LRRC4C: variants seen among roughly 807,000 people sequenced by gnomAD.
LRRC4C encodes the protein leucine rich repeat containing 4C.
Under a neutral mutation model 33.6 loss-of-function variants are expected in LRRC4C, and 5 were observed. That is an observed-to-expected ratio of 0.15 (90% CI 0.08 to 0.31). The LOEUF (loss-of-function observed/expected upper bound fraction) is 0.31, where lower values mean the gene tolerates loss of function less well. LRRC4C is among the 10% of genes least tolerant of loss of function. The pLI, the probability that LRRC4C is intolerant of heterozygous loss-of-function variation, is 1.00. For missense variants in LRRC4C, 560 were observed against 796.7 expected (o/e 0.70, Z 3.58); for synonymous variants, 329 against 302.0 (o/e 1.09, Z -0.93).
At chr11:41,356,612 A>T (rs960741127) in intron 1 of LRRC4C, among the ~76,000 whole-genome samples, 11 of 152,048 alleles carry the variant, frequency 7.2e-5, no homozygotes, top group African/African-American at 2.7e-4. Context: ...TTAATCCTCC[A>T]TCCTTCAACT....
intron 1 of LRRC4C, among the ~76,000 whole-genome samples, chr11:41,107,058 AT>A (rs3979485): frequency 0.11 from 15,272 of 140,886 alleles, 793 homozygotes; most frequent in Non-Finnish European, 0.12. Flanking sequence ...TTAGGTTTTG[AT>A]TTTTTTTTTT....
chr11:40,419,809 C>CTA (rs1464519473), intron 3 of LRRC4C, among the ~76,000 whole-genome samples: 1 of 152,164 alleles, frequency 6.6e-6, no homozygotes, highest in Non-Finnish European at 1.5e-5. Flanking sequence ...CAGATGGGCA[C>CTA]TATGGTCCTA....
chr11:40,136,393 A>G (rs11035709), intron 6 of LRRC4C, among the ~76,000 whole-genome samples: 22,088 of 150,300 alleles, frequency 0.15, 1,755 homozygotes, highest in East Asian at 0.27. Flanking sequence ...CAGCCTCCCG[A>G]GTAGCTGGGA....
At chr11:41,439,769 T>C (rs1955553667) in intron 1 of LRRC4C, among the ~76,000 whole-genome samples, 1 of 152,068 alleles carries the variant, frequency 6.6e-6, no homozygotes, top group Admixed American at 6.6e-5. Flanking sequence ...AAAGTCCCAG[T>C]TTAGTTAGTA....
intron 1 of LRRC4C, among the ~76,000 whole-genome samples, chr11:41,272,523 G>T (rs527985321): frequency 6.0e-4 from 92 of 152,146 alleles, no homozygotes; most frequent in Non-Finnish European, 1.0e-3. Context: ...TATTTAAGAT[G>T]AATTGAATGA....
At chr11:40,757,985 G>A (rs1425587883) in intron 2 of LRRC4C, among the ~76,000 whole-genome samples, 1 of 152,044 alleles carries the variant, frequency 6.6e-6, no homozygotes, top group Non-Finnish European at 1.5e-5. Context: ...AGAGTAGGAT[G>A]CATTATGTGC....
At chr11:40,679,081 C>A (rs138320586) in intron 2 of LRRC4C, among the ~76,000 whole-genome samples, 7,992 of 152,162 alleles carry the variant, frequency 0.053, 733 homozygotes, top group African/African-American at 0.18. Flanking sequence ...AGATGAGGAA[C>A]TTGTTGGGAA....
At chr11:41,250,084 G>C (rs952010738) in intron 1 of LRRC4C, among the ~76,000 whole-genome samples, 1 of 152,044 alleles carries the variant, frequency 6.6e-6, no homozygotes, top group Non-Finnish European at 1.5e-5. Flanking sequence ...TGGGAGAATT[G>C]CTTTAACCCA....
intron 3 of LRRC4C, among the ~76,000 whole-genome samples, chr11:40,434,503 G>T (rs1369580558): frequency 6.6e-6 from 1 of 152,204 alleles, no homozygotes; most frequent in African/African-American, 2.4e-5. Flanking sequence ...TCAGCAAGTA[G>T]AAAGGCCTGG....
At chr11:40,700,748 C>G (rs974080093) in intron 2 of LRRC4C, among the ~76,000 whole-genome samples, 9 of 152,248 alleles carry the variant, frequency 5.9e-5, no homozygotes, top group African/African-American at 2.2e-4. Context: ...AAACAAATAT[C>G]TCTGTATTGG....
At chr11:40,336,915 T>C (rs1224986517) in intron 3 of LRRC4C, among the ~76,000 whole-genome samples, 1 of 137,482 alleles carries the variant, frequency 7.3e-6, no homozygotes, top group Non-Finnish European at 1.5e-5. Context: ...AGGCGGAGCT[T>C]GCAGTGAGCC....
intron 3 of LRRC4C, among the ~76,000 whole-genome samples, chr11:40,641,265 C>A (rs77037753): frequency 4.9e-4 from 74 of 152,200 alleles, no homozygotes; most frequent in African/African-American, 1.8e-3. Context: ...GGGAACCTAT[C>A]AAAGTGAATT....
intron 5 of LRRC4C, among the ~76,000 whole-genome samples, chr11:40,227,936 CA>C (rs1486251386): frequency 1.3e-5 from 2 of 152,108 alleles, no homozygotes; most frequent in Admixed American, 6.6e-5. Context: ...TATGTTAACC[CA>C]CATAAACCAG....
chr11:40,377,291 T>C (rs1948697254), intron 3 of LRRC4C, among the ~76,000 whole-genome samples: 1 of 152,158 alleles, frequency 6.6e-6, no homozygotes, highest in Non-Finnish European at 1.5e-5. Flanking sequence ...AGAAAAAAGA[T>C]GCAGCTCATT....
chr11:40,168,158 C>G (rs1859757171), intron 5 of LRRC4C, among the ~76,000 whole-genome samples: 1 of 152,124 alleles, frequency 6.6e-6, no homozygotes. Flanking sequence ...GGAGATAAAA[C>G]TGTTTAACTA....
chr11:40,422,699 A>T (rs1024586010), intron 3 of LRRC4C, among the ~76,000 whole-genome samples: 1 of 151,940 alleles, frequency 6.6e-6, no homozygotes, highest in Non-Finnish European at 1.5e-5. Flanking sequence ...TTACAAAAAA[A>T]AAAAGCAAAT....
chr11:40,326,017 C>T (rs567521225), intron 3 of LRRC4C, among the ~76,000 whole-genome samples: 1 of 149,670 alleles, frequency 6.7e-6, no homozygotes, highest in South Asian at 2.1e-4. Context: ...TTGATCCAAC[C>T]ATGAGGTTGG....
intron 1 of LRRC4C, among the ~76,000 whole-genome samples, chr11:41,459,212 G>A (rs897424088): frequency 1.4e-4 from 21 of 152,066 alleles, no homozygotes; most frequent in African/African-American, 4.3e-4. Flanking sequence ...AACAAGAGAG[G>A]TACAAAAATG....
At chr11:40,766,184 G>A (rs1295536620) in intron 2 of LRRC4C, among the ~76,000 whole-genome samples, 1 of 150,558 alleles carries the variant, frequency 6.6e-6, no homozygotes, top group African/African-American at 2.4e-5. Flanking sequence ...AATATTTGAA[G>A]TGTTAAGGAA....
Sources: allele counts gnomAD v4.1 joint callset (sites outside exome capture counted in the v4.1 genomes callset), GRCh38; gene constraint gnomAD v4.1.1; transcripts MANE v1.5; gene names NCBI Gene and HGNC (gene_info 2026-07-23, HGNC 2026-07-21).